PELI2: variants seen among roughly 807,000 people sequenced by gnomAD.
The protein encoded by PELI2 is pellino E3 ubiquitin protein ligase family member 2, also known as E3 ubiquitin-protein ligase pellino homolog 2.
In PELI2, 23 loss-of-function variants were observed where a neutral mutation model predicts 42.3. The observed-to-expected ratio is 0.54, with a 90% CI of 0.39 to 0.77. The LOEUF is 0.77. Ranked by LOEUF, PELI2 falls within the 30% of genes least tolerant of loss-of-function variation. The probability of loss-of-function intolerance (pLI) is 0.00; values close to 1 mark genes in which losing one functional copy is unlikely to be tolerated. For synonymous variants in PELI2, 245 were observed against 212.2 expected (o/e 1.15, Z -1.34); for missense variants, 463 against 553.2 (o/e 0.84, Z 1.64).
chr14:56,183,680 T>C (rs760019137), intron 2 of PELI2, among the ~76,000 whole-genome samples: 7 of 152,168 alleles, frequency 4.6e-5, no homozygotes, highest in Non-Finnish European at 1.0e-4. Context: ...CAATTTCACA[T>C]AGAAATGTTT....
At chr14:56,234,700 T>C (rs939107190) in intron 2 of PELI2, among the ~76,000 whole-genome samples, 4 of 152,180 alleles carry the variant, frequency 2.6e-5, no homozygotes, top group African/African-American at 4.8e-5. Flanking sequence ...TGTATACATA[T>C]GTAACAAAGC....
At chr14:56,287,642 A>G (rs962210367) in intron 3 of PELI2, among the ~76,000 whole-genome samples, 21 of 152,214 alleles carry the variant, frequency 1.4e-4, no homozygotes, top group African/African-American at 4.6e-4. Flanking sequence ...CATTAGGGCA[A>G]GAAATTAAGG....
chr14:56,223,789 C>T (rs113416065), intron 2 of PELI2, among the ~76,000 whole-genome samples: 6 of 152,240 alleles, frequency 3.9e-5, no homozygotes, highest in East Asian at 1.9e-4. Context: ...GTAGGTTTTT[C>T]GTTCATTTTT....
chr14:56,149,971 A>G (rs1884279268), intron 1 of PELI2, among the ~76,000 whole-genome samples: 2 of 152,182 alleles, frequency 1.3e-5, no homozygotes, highest in South Asian at 4.1e-4. Flanking sequence ...TGCTAGCTCC[A>G]GCTACCTAGT....
intron 2 of PELI2, among the ~76,000 whole-genome samples, chr14:56,260,628 A>G (rs1188693): frequency 0.58 from 88,365 of 151,986 alleles, 26,224 homozygotes; most frequent in African/African-American, 0.67. Context: ...AATGTAAACT[A>G]TACCTCAATA....
At chr14:56,285,551 G>A (rs910842191) in intron 3 of PELI2, among the ~76,000 whole-genome samples, 3 of 152,088 alleles carry the variant, frequency 2.0e-5, no homozygotes, top group African/African-American at 7.2e-5. Context: ...GAAAAGGGAA[G>A]GGGGGACTAT....
At chr14:56,259,180 A>T (rs1171265192) in intron 2 of PELI2, among the ~76,000 whole-genome samples, 1 of 152,126 alleles carries the variant, frequency 6.6e-6, no homozygotes, top group Non-Finnish European at 1.5e-5. Flanking sequence ...ACAAAAGCTA[A>T]AAACAGTTAT....
intron 2 of PELI2, among the ~76,000 whole-genome samples, chr14:56,208,228 A>T (rs1360064688): frequency 1.3e-5 from 2 of 152,216 alleles, no homozygotes; most frequent in Non-Finnish European, 1.5e-5. Context: ...CATTGACCAT[A>T]GCATGCAGGT....
At chr14:56,246,620 C>G (rs1888170878) in intron 2 of PELI2, among the ~76,000 whole-genome samples, 1 of 152,094 alleles carries the variant, frequency 6.6e-6, no homozygotes, top group African/African-American at 2.4e-5. Flanking sequence ...CGGACGTAGG[C>G]CAACTGTGTA....
At chr14:56,265,263 G>A (rs745403148) in intron 2 of PELI2, among the ~76,000 whole-genome samples, 2 of 152,112 alleles carry the variant, frequency 1.3e-5, no homozygotes, top group African/African-American at 2.4e-5. Context: ...AATTAAGACA[G>A]TGTGGTATTG....
intron 3 of PELI2, among the ~76,000 whole-genome samples, chr14:56,287,983 A>G (rs2139891631): frequency 6.6e-6 from 1 of 152,340 alleles, no homozygotes; most frequent in East Asian, 1.9e-4. Flanking sequence ...GGGATAGAAC[A>G]TTAATCCAAG....
rs751312713 is a variant in PELI2 at position 56,118,655 on chromosome 14, G to C, written c.-6G>C. The C allele has an allele frequency of 5.7e-5, 81 of 1,431,282 alleles. No homozygotes were observed. Among genetic ancestry groups the C allele is most frequent in the Non-Finnish European group, 5.2e-5 (56 of 1,085,180 alleles). 88.7% of individuals were successfully genotyped at this position (1,431,282 alleles called of 1,614,324 possible). A position where few individuals can be genotyped will look rare whatever the true frequency, so the allele number is the denominator to read the frequency against. ...GGCGGCGGCGTCGGCGGCCGAGCGG[G>C]GCTCCATGTTTTCCCCTGGCCAGGA... On this transcript the variant is annotated 5_prime_UTR_variant, in exon 1 of 6. Transcript: ENST00000267460.
intron 1 of PELI2, among the ~76,000 whole-genome samples, chr14:56,167,256 T>C (rs980968816): frequency 7.2e-5 from 11 of 152,212 alleles, no homozygotes; most frequent in Admixed American, 3.3e-4. Context: ...TTGAATAAAC[T>C]TTCTATTCCT....
intron 2 of PELI2, among the ~76,000 whole-genome samples, chr14:56,209,188 A>G (rs886064299): frequency 2.0e-5 from 3 of 152,220 alleles, no homozygotes; most frequent in African/African-American, 2.4e-5. Flanking sequence ...AATTACACCA[A>G]TGGATTTTAA....
At position 56,261,315 on chromosome 14, in the gene PELI2, G is replaced by A. The variant is rs148076220; in HGVS notation, c.208-18361G>A. ...TGCCCCAGCTGACAGTTTTGCTTAC[G>A]GCTTGTTTCTGTTCATTCGTTCATG... is the stretch of plus-strand genomic sequence containing the variant. On this transcript the variant is annotated intron_variant, in intron 2 of 5. Transcript: ENST00000267460. Among the ~76,000 whole-genome samples, 737 of 152,138 alleles carry A rather than the reference G, an allele frequency of 4.8e-3. 4 individuals are homozygous for A. The highest frequency in any genetic ancestry group is 5.7e-3 in the Non-Finnish European group (391 of 68,010).
At chr14:56,267,137 T>C (rs1337908635) in intron 2 of PELI2, among the ~76,000 whole-genome samples, 4 of 152,086 alleles carry the variant, frequency 2.6e-5, no homozygotes, top group Non-Finnish European at 2.9e-5. Flanking sequence ...TGTGTACATA[T>C]TACCTTATTT....
At position 56,118,602 on chromosome 14, in the gene PELI2, C is replaced by G. The variant is rs1882936399; in HGVS notation, c.-59C>G. 1 of 1,122,054 alleles carries G rather than the reference C, an allele frequency of 8.9e-7. No homozygotes were observed. Among genetic ancestry groups the G allele is most frequent in the Admixed American group, 4.2e-5 (1 of 23,828 alleles). 69.5% of individuals were successfully genotyped at this position (1,122,054 alleles called of 1,614,324 possible). A position where few individuals can be genotyped will look rare whatever the true frequency, so the allele number is the denominator to read the frequency against. On this transcript the variant is annotated 5_prime_UTR_variant, in exon 1 of 6. Transcript: ENST00000267460. ...GATTGTAGCGGCGGCGCGGACTCGGCGGGGATCGCGGCGGAGGCGGCGGCG... is the reference window on the plus strand; with the variant it reads ...GATTGTAGCGGCGGCGCGGACTCGGGGGGGATCGCGGCGGAGGCGGCGGCG...
chr14:56,125,260 A>G lies in PELI2; in HGVS notation c.77+6523A>G, dbSNP rs1883209705. 3.3e-5 allele frequency among the ~76,000 whole-genome samples: 5 copies of G among 152,180 alleles called. No homozygotes were observed. The East Asian group carries it at 9.7e-4, about 29-fold the overall frequency. The stretch of plus-strand genomic sequence containing the variant: ...ACTGCTCCCAGCCCTGGGCTACACC[A>G]GCAAACAAGACAGACAGCTGCCCTT... On this transcript the variant is annotated intron_variant, in intron 1 of 5. Coordinates refer to ENST00000267460, the MANE Select transcript of PELI2 (RefSeq NM_021255.3).
At chr14:56,176,643 C>T (rs1394685945) in intron 1 of PELI2, among the ~76,000 whole-genome samples, 1 of 152,148 alleles carries the variant, frequency 6.6e-6, no homozygotes, top group Admixed American at 6.5e-5. Context: ...TCTGGTTTGG[C>T]CACTCTTGGA....
Sources: gnomAD v4.1 joint callset for allele counts (sites outside exome capture counted in the v4.1 genomes callset) on GRCh38, gnomAD v4.1.1 for gene constraint, MANE v1.5 for transcripts, NCBI Gene and HGNC (gene_info 2026-07-23, HGNC 2026-07-21) for gene names.